CACNA2D3: variants seen among roughly 807,000 people sequenced by gnomAD.
The protein encoded by CACNA2D3 is voltage-dependent calcium channel subunit alpha-2/delta-3.
Under a neutral mutation model 160.6 loss-of-function variants are expected in CACNA2D3, and 60 were observed. The observed-to-expected ratio is 0.37, with a 90% CI of 0.30 to 0.46. The LOEUF is 0.46. Among genes scored for constraint, CACNA2D3 ranks in the 20% least tolerant of loss-of-function variants. The pLI is 1.00. For missense variants in CACNA2D3, 1,205 were observed against 1,365.0 expected, an observed-to-expected ratio of 0.88 and a Z score of 1.85; for synonymous variants, 558 against 492.9, an observed-to-expected ratio of 1.13 and a Z score of -1.75.
chr3:54,605,802 C>T (rs1331562019), intron 9 of CACNA2D3, among the ~76,000 whole-genome samples: 1 of 152,144 alleles, frequency 6.6e-6, no homozygotes, highest in Admixed American at 6.5e-5. Context: ...TGAGTTTGTA[C>T]TAAATGCAGA....
At chr3:54,799,515 G>A (rs1702937858) in intron 13 of CACNA2D3, among the ~76,000 whole-genome samples, 1 of 152,140 alleles carries the variant, frequency 6.6e-6, no homozygotes, top group Admixed American at 6.6e-5. Flanking sequence ...TTTCTTTGTG[G>A]TTCAGCAGTT....
At chr3:54,748,795 C>T (rs1328827441) in intron 11 of CACNA2D3, among the ~76,000 whole-genome samples, 5 of 152,214 alleles carry the variant, frequency 3.3e-5, no homozygotes, top group African/African-American at 1.2e-4. Flanking sequence ...TAGCTGGGCT[C>T]AAGGCAGACC....
intron 3 of CACNA2D3, among the ~76,000 whole-genome samples, chr3:54,345,388 C>A (rs900920356): frequency 6.6e-6 from 1 of 152,132 alleles, no homozygotes; most frequent in Non-Finnish European, 1.5e-5. Flanking sequence ...ACATTTTCTT[C>A]TTTTTTTCAA....
At chr3:54,679,417 C>A (rs1028553094) in intron 11 of CACNA2D3, among the ~76,000 whole-genome samples, 1 of 152,172 alleles carries the variant, frequency 6.6e-6, no homozygotes, top group South Asian at 2.1e-4. Context: ...AAGTTCAGGG[C>A]CTACTGAGGC....
At chr3:54,528,176 A>G (rs1210962632) in intron 5 of CACNA2D3, among the ~76,000 whole-genome samples, 1 of 152,102 alleles carries the variant, frequency 6.6e-6, no homozygotes, top group Non-Finnish European at 1.5e-5. Flanking sequence ...TACGGTCACT[A>G]CTGCAACATG....
chr3:54,861,204 A>G (rs918792807), intron 17 of CACNA2D3, among the ~76,000 whole-genome samples: 4 of 152,122 alleles, frequency 2.6e-5, no homozygotes, highest in Non-Finnish European at 5.9e-5. Flanking sequence ...GAGTATGGGA[A>G]GGACTTGACC....
At chr3:54,194,598 G>A (rs973223997) in intron 2 of CACNA2D3, among the ~76,000 whole-genome samples, 1 of 152,164 alleles carries the variant, frequency 6.6e-6, no homozygotes, top group Non-Finnish European at 1.5e-5. Context: ...CAAAATACCC[G>A]AGACTGGGTA....
chr3:54,437,774 T>C (rs1376061618), intron 4 of CACNA2D3, among the ~76,000 whole-genome samples: 1 of 152,218 alleles, frequency 6.6e-6, no homozygotes, highest in Non-Finnish European at 1.5e-5. Context: ...GAACATGAAC[T>C]CTTGCATTTT....
intron 2 of CACNA2D3, among the ~76,000 whole-genome samples, chr3:54,243,520 C>T (rs1702011876): frequency 6.6e-6 from 1 of 152,184 alleles, no homozygotes. Flanking sequence ...TTTAACTTTG[C>T]AGCACAAATG....
chr3:54,643,881 G>C (rs1699579539), intron 11 of CACNA2D3, among the ~76,000 whole-genome samples: 1 of 152,182 alleles, frequency 6.6e-6, no homozygotes, highest in Non-Finnish European at 1.5e-5. Flanking sequence ...CAGCCAAATA[G>C]AATGTTCACA....
At chr3:54,974,999 G>A (rs17054626) in intron 29 of CACNA2D3, among the ~76,000 whole-genome samples, 1 of 152,092 alleles carries the variant, frequency 6.6e-6, no homozygotes, top group Non-Finnish European at 1.5e-5. Flanking sequence ...AAAGTGATAT[G>A]GAAAAAACAG....
At chr3:54,804,987 T>C (rs1161456612) in intron 13 of CACNA2D3, among the ~76,000 whole-genome samples, 1 of 152,208 alleles carries the variant, frequency 6.6e-6, no homozygotes, top group African/African-American at 2.4e-5. Context: ...GAAATAAAGA[T>C]GTTCTTTGAA....
At chr3:54,753,650 G>A (rs28455661) in intron 12 of CACNA2D3, among the ~76,000 whole-genome samples, 29,608 of 152,042 alleles carry the variant, frequency 0.19, 3,131 homozygotes, top group African/African-American at 0.24. Flanking sequence ...ATAACTTTAC[G>A]TACATTACTA....
At chr3:54,747,433 A>G (rs1034575866) in intron 11 of CACNA2D3, among the ~76,000 whole-genome samples, 8 of 152,164 alleles carry the variant, frequency 5.3e-5, no homozygotes, top group Non-Finnish European at 1.0e-4. Flanking sequence ...GGACATGGGC[A>G]TTCAGAATTA....
At chr3:54,474,515 T>G (rs2106882338) in intron 4 of CACNA2D3, among the ~76,000 whole-genome samples, 1 of 152,248 alleles carries the variant, frequency 6.6e-6, no homozygotes, top group Admixed American at 6.5e-5. Context: ...ACCTTCATGT[T>G]CTGCACATGT....
At chr3:54,305,608 G>A (rs1213438304) in intron 2 of CACNA2D3, among the ~76,000 whole-genome samples, 1 of 152,234 alleles carries the variant, frequency 6.6e-6, no homozygotes, top group Non-Finnish European at 1.5e-5. Context: ...TTTGCCCATA[G>A]GCATTGCCTG....
chr3:54,429,659 G>A (rs569135025), intron 4 of CACNA2D3, among the ~76,000 whole-genome samples: 3 of 152,250 alleles, frequency 2.0e-5, no homozygotes, highest in Admixed American at 6.5e-5. Flanking sequence ...ACTGGACTGC[G>A]AATAGCACTT....
chr3:54,401,728 A>T (rs538564916), intron 4 of CACNA2D3, among the ~76,000 whole-genome samples: 10 of 152,184 alleles, frequency 6.6e-5, no homozygotes, highest in Non-Finnish European at 1.5e-4. Flanking sequence ...ATCACCACTA[A>T]ACCCGTCTTA....
chr3:54,906,474 A>G (rs1408680626), intron 27 of CACNA2D3, among the ~76,000 whole-genome samples: 1 of 152,226 alleles, frequency 6.6e-6, no homozygotes, highest in East Asian at 1.9e-4. Context: ...CGCAGTCTGC[A>G]GTCATCATGC....
Sources: allele counts gnomAD v4.1 joint callset (sites outside exome capture counted in the v4.1 genomes callset), GRCh38; gene constraint gnomAD v4.1.1; transcripts MANE v1.5; gene names NCBI Gene and HGNC (gene_info 2026-07-23, HGNC 2026-07-21).